Variants in VTI1A observed in about 807,000 individuals in gnomAD.
VTI1A encodes vesicle transport through interaction with t-SNAREs 1A, also known as vesicle transport through interaction with t-SNAREs homolog 1A.
Under a neutral mutation model 34.9 loss-of-function variants are expected in VTI1A, and 22 were observed. The observed-to-expected ratio is 0.63, with a 90% CI of 0.45 to 0.90. VTI1A has a LOEUF of 0.90. Ranked by LOEUF, VTI1A falls within the 40% of genes least tolerant of loss-of-function variation. VTI1A has a pLI of 0.00. For missense variants in VTI1A, 268 were observed against 275.6 expected, an observed-to-expected ratio of 0.97 and a Z score of 0.20; for synonymous variants, 87 against 97.3, an observed-to-expected ratio of 0.89 and a Z score of 0.62.
intron 5 of VTI1A, among the ~76,000 whole-genome samples, chr10:112,589,705 T>C (rs1272640794): frequency 6.6e-6 from 1 of 152,184 alleles, no homozygotes; most frequent in Non-Finnish European, 1.5e-5. Context: ...TAGGTATTTT[T>C]ATTGTCCCCA....
chr10:112,496,197 C>CG (rs1010883261), intron 3 of VTI1A, among the ~76,000 whole-genome samples: 2 of 122,644 alleles, frequency 1.6e-5, no homozygotes, highest in South Asian at 3.5e-4. Context: ...CCCCCCCCCC[C>CG]CCCCGCCGTC....
intron 5 of VTI1A, among the ~76,000 whole-genome samples, chr10:112,627,866 A>G (rs1250943394): frequency 6.6e-6 from 1 of 152,152 alleles, no homozygotes; most frequent in Non-Finnish European, 1.5e-5. Context: ...AATATAAAGT[A>G]AAATAAAGTA....
At chr10:112,679,658 G>T (rs541062849) in intron 7 of VTI1A, among the ~76,000 whole-genome samples, 1 of 151,652 alleles carries the variant, frequency 6.6e-6, no homozygotes, top group Non-Finnish European at 1.5e-5. Context: ...TTGGAATTAC[G>T]AAAACAAACA....
intron 3 of VTI1A, among the ~76,000 whole-genome samples, chr10:112,484,058 T>C (rs1305076350): frequency 6.6e-6 from 1 of 152,226 alleles, no homozygotes; most frequent in African/African-American, 2.4e-5. Context: ...AAAGATGATT[T>C]GGTTCATAAC....
At chr10:112,587,912 T>TG (rs1409592269) in intron 5 of VTI1A, among the ~76,000 whole-genome samples, 1 of 151,932 alleles carries the variant, frequency 6.6e-6, no homozygotes, top group Non-Finnish European at 1.5e-5. Context: ...TCAAGAGAAG[T>TG]GGTTTTTTTT....
intron 5 of VTI1A, among the ~76,000 whole-genome samples, chr10:112,573,317 C>G (rs760767880): frequency 2.0e-5 from 3 of 152,100 alleles, no homozygotes; most frequent in African/African-American, 7.2e-5. Flanking sequence ...CAAGACTAAG[C>G]CCTAGATCTC....
chr10:112,721,477 C>T (rs1467608131), intron 7 of VTI1A, among the ~76,000 whole-genome samples: 2 of 152,214 alleles, frequency 1.3e-5, no homozygotes, highest in Non-Finnish European at 2.9e-5. Context: ...TTGACTTACA[C>T]TTTTAATTTG....
At chr10:112,590,130 A>G (rs1009120425) in intron 5 of VTI1A, among the ~76,000 whole-genome samples, 4 of 152,144 alleles carry the variant, frequency 2.6e-5, no homozygotes, top group Admixed American at 6.6e-5. Context: ...CCTGATCTCT[A>G]TTAGGGATAT....
intron 7 of VTI1A, among the ~76,000 whole-genome samples, chr10:112,799,651 G>A (rs1242109113): frequency 1.3e-5 from 2 of 152,050 alleles, no homozygotes; most frequent in African/African-American, 4.8e-5. Flanking sequence ...CAAACCTGGG[G>A]GCTCTGTTAT....
chr10:112,452,414 A>G (rs1847273180), intron 1 of VTI1A, among the ~76,000 whole-genome samples: 3 of 152,092 alleles, frequency 2.0e-5, no homozygotes, highest in African/African-American at 4.8e-5. Context: ...CTAGAAATAC[A>G]AAAATTAGCT....
At position 112,695,392 on chromosome 10, in the gene VTI1A, G is replaced by A. The variant is rs965434871; in HGVS notation, c.560+26394G>A. Among the ~76,000 whole-genome samples, 8 of 151,552 alleles carry A rather than the reference G, an allele frequency of 5.3e-5. No individual in the cohort carries two copies. The East Asian group carries it at 1.2e-3, about 22-fold the overall frequency. ...AAATGACATTTTTTTTTAAGGGTAA[G>A]GTATAAAGATTAAAAAAAAAGGCTT... On this transcript the variant is annotated intron_variant, in intron 7 of 7. Transcript: ENST00000393077.
intron 5 of VTI1A, among the ~76,000 whole-genome samples, chr10:112,622,423 TA>T (rs1845768490): frequency 1.4e-5 from 2 of 144,940 alleles, no homozygotes; most frequent in South Asian, 4.4e-4. Flanking sequence ...TTTTTATGTA[TA>T]AAATTTTATA....
intron 3 of VTI1A, among the ~76,000 whole-genome samples, chr10:112,470,374 C>T (rs999824711): frequency 3.3e-5 from 5 of 152,076 alleles, no homozygotes; most frequent in African/African-American, 9.7e-5. Flanking sequence ...AGGGGCCACA[C>T]GCAAAGTAAG....
rs187887006 is a variant in VTI1A at position 112,530,887 on chromosome 10, C to T, written c.342+3723C>T. 3.9e-4 allele frequency among the ~76,000 whole-genome samples: 60 copies of T among 152,176 alleles called. 1 individual carries two copies. In the East Asian group the frequency reaches 0.011, roughly 29 times the overall value. ...TTCGTTACGTGCTGAGGGTTTATAGCAAAATAAATAGACTGTCATCATAAG... is the reference window on the plus strand; with the variant it reads ...TTCGTTACGTGCTGAGGGTTTATAGTAAAATAAATAGACTGTCATCATAAG... On this transcript the variant is annotated intron_variant, in intron 4 of 7. Coordinates refer to ENST00000393077, the MANE Select transcript of VTI1A (RefSeq NM_145206.4).
intron 5 of VTI1A, among the ~76,000 whole-genome samples, chr10:112,564,777 T>C (rs1851851842): frequency 6.6e-6 from 1 of 152,112 alleles, no homozygotes; most frequent in Non-Finnish European, 1.5e-5. Context: ...ACAATAAAGT[T>C]GACTGTGTAC....
In VTI1A at chr10:112,695,374, ATT is replaced by A. The variant is rs34990443; in HGVS notation, c.560+26384_560+26385del. Among the ~76,000 whole-genome samples, 4 of 151,002 alleles carry A rather than the reference ATT, an allele frequency of 2.6e-5. 1 individual carries two copies. Among genetic ancestry groups the A allele is most frequent in the Non-Finnish European group, 5.9e-5 (4 of 67,748 alleles). ...GCATCTAATTAAGCCTTCAAATGAC[ATT>A]TTTTTTTAAGGGTAAGGTATAAAGA... On this transcript the variant is annotated intron_variant, in intron 7 of 7. Transcript: ENST00000393077.
chr10:112,778,552 ACT>A (rs1852019649), intron 7 of VTI1A, among the ~76,000 whole-genome samples: 2 of 152,180 alleles, frequency 1.3e-5, no homozygotes, highest in African/African-American at 4.8e-5. Context: ...TTTCCTGTTC[ACT>A]CTATTTTACT....
At chr10:112,624,147 T>C (rs1845832788) in intron 5 of VTI1A, among the ~76,000 whole-genome samples, 1 of 152,258 alleles carries the variant, frequency 6.6e-6, no homozygotes. Context: ...GTCACTGTCC[T>C]TGTGATCTTT....
At chr10:112,464,094 G>C (rs189617309) in intron 2 of VTI1A, among the ~76,000 whole-genome samples, 31 of 152,306 alleles carry the variant, frequency 2.0e-4, no homozygotes, top group Non-Finnish European at 4.0e-4. Flanking sequence ...TGCCTCCCAG[G>C]TTCAAGCTAT....
Sources: allele counts gnomAD v4.1 joint callset (sites outside exome capture counted in the v4.1 genomes callset), GRCh38; gene constraint gnomAD v4.1.1; transcripts MANE v1.5; gene names NCBI Gene and HGNC (gene_info 2026-07-23, HGNC 2026-07-21).